The following NGB variants were observed in gnomAD, a reference collection of about 807,000 sequenced individuals.
The protein encoded by NGB is nitrite reductase.
In NGB, 12 loss-of-function variants were observed where a neutral mutation model predicts 17.3. The observed-to-expected ratio is 0.69, with a 90% CI of 0.45 to 1.13. The LOEUF (loss-of-function observed/expected upper bound fraction) is 1.13, where lower values mean the gene tolerates loss of function less well. Among genes scored for constraint, NGB ranks in the 50% most tolerant of loss-of-function variants. NGB has a pLI of 0.00. For synonymous variants in NGB, 87 were observed against 81.0 expected, an observed-to-expected ratio of 1.07 and a Z score of -0.40; for missense variants, 195 against 191.7, an observed-to-expected ratio of 1.02 and a Z score of -0.10.
chr14:77,270,660 G>A (rs148319479), intron 1 of NGB, among the ~76,000 whole-genome samples, 189 bp downstream of exon 1: 1 of 152,328 alleles, frequency 6.6e-6, no homozygotes, highest in Non-Finnish European at 1.5e-5. Flanking sequence ...AGGCGCCCAC[G>A]GTCGAGAGAG....
At position 77,270,894 on chromosome 14, in the gene NGB, G is replaced by T; in HGVS notation, c.44C>A (p.Ala15Glu). ...EPELIRQSWR[A>E]VSRSPLEHGT... ...GTGCTCCAGCGGGCTGCGGCTCACT[G>T]CCCGCCAGCTCTGCCGGATCAGCTC... Residue 15 changes from alanine to glutamate, a missense_variant, in exon 1 of 4, where the codon GCA (alanine) becomes GAA (glutamate). Physicochemically the swap from Ala to Glu is moderately radical, Grantham distance 107 (BLOSUM62 -1). Transcript: ENST00000298352. 1 of 1,584,528 alleles carries T rather than the reference G, an allele frequency of 6.3e-7. No individual in the cohort carries two copies. The highest frequency in any genetic ancestry group is 8.5e-7 in the Non-Finnish European group (1 of 1,172,082).
chr14:77,266,173 AAGAAG>A lies in NGB; in HGVS notation c.*358_*362del, dbSNP rs1395767574. The A allele has an allele frequency of 9.0e-6, 5 of 552,760 alleles. No individual in the cohort carries two copies. Among genetic ancestry groups the A allele is most frequent in the Admixed American group, 7.7e-5 (4 of 52,088 alleles). 34.2% of individuals were successfully genotyped at this position (552,760 alleles called of 1,614,324 possible). A position where few individuals can be genotyped will look rare whatever the true frequency, so the allele number is the denominator to read the frequency against. On this transcript the variant is annotated 3_prime_UTR_variant, in exon 4 of 4. Coordinates refer to ENST00000298352, the MANE Select transcript of NGB (RefSeq NM_021257.4). Reference sequence around the variant, plus strand: ...CCCCGCCTTGGCCTGCACTCACCTGAAGAAGCAGGACAGACAGAAGAGCCCCATCC... The same window carrying A: ...CCCCGCCTTGGCCTGCACTCACCTGACAGGACAGACAGAAGAGCCCCATCC...
In NGB at chr14:77,271,036, G is replaced by A; in HGVS notation, c.-99C>T. 3.5e-5 allele frequency: 30 copies of A among 865,554 alleles called. No individual in the cohort carries two copies. Among genetic ancestry groups the A allele is most frequent in the Non-Finnish European group, 4.2e-5 (25 of 602,386 alleles). 53.6% of individuals were successfully genotyped at this position (865,554 alleles called of 1,614,324 possible). A position where few individuals can be genotyped will look rare whatever the true frequency, so the allele number is the denominator to read the frequency against. On this transcript the variant is annotated 5_prime_UTR_variant, in exon 1 of 4. Coordinates refer to ENST00000298352, the MANE Select transcript of NGB (RefSeq NM_021257.4). ...TCTCCTCCGCGACGCGGTCCCCTCC[G>A]CCCCTCGTACGCCCCCCGTGCCTCC... is the stretch of plus-strand genomic sequence containing the variant.
intron 1 of NGB, among the ~76,000 whole-genome samples, chr14:77,269,593 AG>A (rs1352583285): frequency 6.7e-6 from 1 of 150,374 alleles, no homozygotes; most frequent in South Asian, 2.1e-4. Flanking sequence ...TGAATAGCTG[AG>A]GGGTGTGATT....
At chr14:77,269,654 G>T (rs1480512015) in intron 1 of NGB, among the ~76,000 whole-genome samples, 1 of 147,322 alleles carries the variant, frequency 6.8e-6, no homozygotes, top group Non-Finnish European at 1.5e-5. Flanking sequence ...ACGTTGTGTG[G>T]AGAGGAAAGC....
intron 2 of NGB, among the ~76,000 whole-genome samples, 198 bp from the exon 3 acceptor site, chr14:77,268,783 A>G (rs1889709745): frequency 6.6e-6 from 1 of 152,230 alleles, no homozygotes; most frequent in South Asian, 2.1e-4. Context: ...TACTAATGTT[A>G]TACCCATGAA....
At position 77,270,864 on chromosome 14, in the gene NGB, G is replaced by T. The variant is rs777835042; in HGVS notation, c.74C>A (p.Thr25Asn). The change falls in exon 1 of 4, where the codon ACC becomes AAC. Residue 25 changes from threonine (T) to asparagine (N), a missense_variant. Physicochemically the swap from Thr to Asn is moderately conservative, Grantham distance 65. Coordinates refer to ENST00000298352, the MANE Select transcript of NGB (RefSeq NM_021257.4). Reference protein sequence around the residue: ...AVSRSPLEHGTVLFARLFALE... With the variant: ...AVSRSPLEHGNVLFARLFALE... The stretch of plus-strand genomic sequence containing the variant: ...TAGCCCTCACCTGGCAAACAGGACG[G>T]TGCCGTGCTCCAGCGGGCTGCGGCT... 6.3e-7 allele frequency: 1 copy of T among 1,585,818 alleles called. No individual in the cohort carries two copies. The highest frequency in any genetic ancestry group is 8.5e-7 in the Non-Finnish European group (1 of 1,172,366).
At chr14:77,270,357 T>C (rs1889754357) in intron 1 of NGB, among the ~76,000 whole-genome samples, 1 of 151,930 alleles carries the variant, frequency 6.6e-6, no homozygotes, top group South Asian at 2.1e-4. Flanking sequence ...TTTGTCTTGT[T>C]GGTTGTCAGG....
intron 2 of NGB, 108 bp downstream of exon 2, chr14:77,269,107 G>A (rs1566637190): frequency 1.4e-6 from 1 of 708,268 alleles, no homozygotes; most frequent in Non-Finnish European, 2.5e-6. Flanking sequence ...TGGGGGAACT[G>A]GAAGGGAGTA....
At position 77,270,886 on chromosome 14, in the gene NGB, G is replaced by A; in HGVS notation, c.52C>T (p.Arg18Cys). ...ACGGTGCCGTGCTCCAGCGGGCTGC[G>A]GCTCACTGCCCGCCAGCTCTGCCGG... is the stretch of plus-strand genomic sequence containing the variant. ...LIRQSWRAVSRSPLEHGTVLF... is the reference protein window; with the variant it reads ...LIRQSWRAVSCSPLEHGTVLF... The change falls in exon 1 of 4, where the codon CGC becomes TGC. Residue 18 changes from arginine to cysteine, a missense_variant. Coordinates refer to ENST00000298352, the MANE Select transcript of NGB (RefSeq NM_021257.4). 6.3e-7 allele frequency: 1 copy of A among 1,585,758 alleles called. No homozygotes were observed. Among genetic ancestry groups the A allele is most frequent in the Non-Finnish European group, 8.5e-7 (1 of 1,172,626 alleles).
At chr14:77,270,705 C>A in intron 1 of NGB, 144 bp downstream of exon 1, 2 of 724,152 alleles carry the variant, frequency 2.8e-6, no homozygotes, top group Non-Finnish European at 4.5e-6. Context: ...CGCCGCGCCC[C>A]GCTCCTCTGG....
Position 77,266,182 on chromosome 14 carries a change from G to A in NGB, c.*354C>T, listed in dbSNP as rs1454906893. On this transcript the variant is annotated 3_prime_UTR_variant, in exon 4 of 4. Coordinates refer to ENST00000298352, the MANE Select transcript of NGB (RefSeq NM_021257.4). The stretch of plus-strand genomic sequence containing the variant: ...GGCCTGCACTCACCTGAAGAAGCAG[G>A]ACAGACAGAAGAGCCCCATCCTCTC... 1 of 557,640 alleles carries A rather than the reference G, an allele frequency of 1.8e-6. No individual in the cohort carries two copies. Among genetic ancestry groups the A allele is most frequent in the African/African-American group, 1.9e-5 (1 of 52,438 alleles). The allele number at this position is 557,640 out of a possible 1,614,324, so 34.5% of individuals were successfully genotyped here.
intron 2 of NGB, among the ~76,000 whole-genome samples, 147 bp downstream of exon 2, chr14:77,269,053 TCCCAGACCAATCCAG>T (rs1368317822): frequency 6.6e-6 from 1 of 152,134 alleles, no homozygotes; most frequent in Non-Finnish European, 1.5e-5. Context: ...GATTCTGATG[TCCCAGACCAATCCAG>T]CCCAGAGGGA....
intron 1 of NGB, 138 bp from the exon 2 acceptor site, chr14:77,269,464 G>A: frequency 1.7e-6 from 1 of 601,422 alleles, no homozygotes; most frequent in African/African-American, 1.8e-5. Context: ...CTCCCACCTG[G>A]CACTGCTCCC....
chr14:77,269,068 G>T, intron 2 of NGB, 147 bp downstream of exon 2: 2 of 587,410 alleles, frequency 3.4e-6, no homozygotes, highest in East Asian at 3.1e-5. Flanking sequence ...GACCAATCCA[G>T]CCCAGAGGGA....
In NGB at chr14:77,268,466, C is replaced by T. The variant is rs144429382; in HGVS notation, c.321G>A (p.Ser107=). ...AGAGAGTCAGAGCTCCTTTACCCAC[C>T]GAGAAGGAGCTGAGCTTCACACCCA... ...RAVGVKLSSF[S]TVGESLLYML... is the part of the protein sequence containing the mutation. The change falls in exon 3 of 4, where the codon TCG becomes TCA. Residue 107 remains serine, a splice_region_variant and synonymous_variant. Transcript: ENST00000298352. The T allele has an allele frequency of 7.1e-5, 114 of 1,611,496 alleles. No homozygotes were observed. The highest frequency in any genetic ancestry group is 9.3e-5 in the African/African-American group (7 of 74,886).
intron 1 of NGB, among the ~76,000 whole-genome samples, chr14:77,270,550 G>A (rs1201266543): frequency 6.6e-6 from 1 of 152,220 alleles, no homozygotes; most frequent in Non-Finnish European, 1.5e-5. Flanking sequence ...GCGCAGGGAC[G>A]GAGGTCCACC....
chr14:77,268,368 T>TG lies in NGB; in HGVS notation c.321+97dup. On this transcript the variant is annotated intron_variant, in intron 3 of 3. Transcript: ENST00000298352. ...CCGCAGCCCTGGTTATCTAAGGATA[T>TG]GGGAATGGGAGAGAGAACAGGTGGC... 3 of 1,316,758 alleles carry TG rather than the reference T, an allele frequency of 2.3e-6. No homozygotes were observed. The South Asian group carries it at 4.0e-5, about 17-fold the overall frequency. The allele number at this position is 1,316,758 out of a possible 1,614,324, so 81.6% of individuals were successfully genotyped here.
chr14:77,267,820 C>G (rs1467375804), intron 3 of NGB, among the ~76,000 whole-genome samples: 2 of 152,156 alleles, frequency 1.3e-5, no homozygotes, highest in Admixed American at 1.3e-4. Flanking sequence ...GATTCATGCC[C>G]TTGAGTAGGG....
Sources: allele counts gnomAD v4.1 joint callset (sites outside exome capture counted in the v4.1 genomes callset), GRCh38; gene constraint gnomAD v4.1.1; transcripts MANE v1.5; gene names NCBI Gene and HGNC (gene_info 2026-07-23, HGNC 2026-07-21).